The following DYNC1I1 variants were observed in gnomAD, a reference collection of about 807,000 sequenced individuals.
The protein encoded by DYNC1I1 is cytoplasmic dynein 1 intermediate chain 1.
In DYNC1I1, 43 loss-of-function variants were observed where a neutral mutation model predicts 86.6. That is an observed-to-expected ratio of 0.50 (90% CI 0.39 to 0.64). The LOEUF is 0.64. Among genes scored for constraint, DYNC1I1 ranks in the 30% least tolerant of loss-of-function variants. DYNC1I1 has a pLI of 0.00. For synonymous variants in DYNC1I1, 262 were observed against 283.7 expected (o/e 0.92, Z 0.77); for missense variants, 604 against 788.8 (o/e 0.77, Z 2.81).
intron 5 of DYNC1I1, among the ~76,000 whole-genome samples, chr7:95,869,668 CTG>C (rs946135235): frequency 1.3e-5 from 2 of 152,198 alleles, no homozygotes; most frequent in African/African-American, 4.8e-5. Flanking sequence ...AGGGTCTTAT[CTG>C]ACATCACCCA....
intron 6 of DYNC1I1, among the ~76,000 whole-genome samples, chr7:95,966,566 T>A (rs1486876799): frequency 6.6e-6 from 1 of 152,172 alleles, no homozygotes; most frequent in East Asian, 1.9e-4. Flanking sequence ...GTTTGGGAGT[T>A]GGAAAAACAT....
chr7:96,084,170 A>AGG (rs991859339), intron 16 of DYNC1I1, among the ~76,000 whole-genome samples: 99 of 152,128 alleles, frequency 6.5e-4, no homozygotes, highest in African/African-American at 2.3e-3. Flanking sequence ...CACCGTGCTT[A>AGG]GGGGAGCCCT....
At chr7:95,783,376 T>C (rs943611860) in intron 1 of DYNC1I1, among the ~76,000 whole-genome samples, 2 of 152,208 alleles carry the variant, frequency 1.3e-5, no homozygotes, top group Admixed American at 6.5e-5. Context: ...TTAGAACTTA[T>C]GGAATGCCAG....
intron 5 of DYNC1I1, among the ~76,000 whole-genome samples, chr7:95,846,623 C>CTGTGTGTGTGTGTGTGTGTGTGTGTG (rs1314616292): frequency 8.3e-6 from 1 of 121,124 alleles, no homozygotes; most frequent in Non-Finnish European, 1.7e-5. Flanking sequence ...ATAAATCTCT[C>CTGTGTGTGTGTGTGTGTGTGTGTGTG]TCTCTGTGTG....
At chr7:95,837,576 A>G (rs543212793) in intron 5 of DYNC1I1, 281 of 154,936 alleles carry the variant, frequency 1.8e-3, no homozygotes, top group African/African-American at 5.9e-3. Flanking sequence ...CCTCGCTGCC[A>G]CCTTGCAGTT....
intron 6 of DYNC1I1, among the ~76,000 whole-genome samples, chr7:95,899,534 T>C (rs79996593): frequency 0.077 from 11,764 of 152,244 alleles, 726 homozygotes; most frequent in Admixed American, 0.22. Context: ...TTCCACCAAG[T>C]CAGAATCATC....
chr7:95,915,628 T>C (rs1791449267), intron 6 of DYNC1I1, among the ~76,000 whole-genome samples: 1 of 152,210 alleles, frequency 6.6e-6, no homozygotes, highest in Admixed American at 6.5e-5. Flanking sequence ...AATGTGTTTT[T>C]TTCAGTGCTA....
intron 14 of DYNC1I1, among the ~76,000 whole-genome samples, chr7:96,066,410 T>A (rs1789989666): frequency 6.6e-6 from 1 of 152,238 alleles, no homozygotes; most frequent in Non-Finnish European, 1.5e-5. Context: ...AGCACCTGGC[T>A]ACATACTTGT....
At chr7:96,108,850 G>A (rs1169544556) in intron 16 of DYNC1I1, among the ~76,000 whole-genome samples, 1 of 137,526 alleles carries the variant, frequency 7.3e-6, no homozygotes, top group East Asian at 2.1e-4. Context: ...GACAGAGTAA[G>A]ACTCTGTCTC....
At chr7:96,025,908 T>A (rs1794670352) in intron 10 of DYNC1I1, among the ~76,000 whole-genome samples, 1 of 152,134 alleles carries the variant, frequency 6.6e-6, no homozygotes, top group African/African-American at 2.4e-5. Context: ...TTCTGCATTT[T>A]AAAAAATTGA....
intron 12 of DYNC1I1, among the ~76,000 whole-genome samples, chr7:96,033,529 T>C (rs1794863091): frequency 6.6e-6 from 1 of 152,144 alleles, no homozygotes; most frequent in Non-Finnish European, 1.5e-5. Context: ...GTATTCACTA[T>C]CCTCCAACCA....
intron 10 of DYNC1I1, among the ~76,000 whole-genome samples, chr7:95,999,380 T>C (rs1233844339): frequency 1.3e-5 from 2 of 152,192 alleles, no homozygotes; most frequent in African/African-American, 4.8e-5. Flanking sequence ...TTCTTGGCAA[T>C]CTCTTTTAGA....
At chr7:95,785,068 G>T (rs1794092659) in intron 1 of DYNC1I1, among the ~76,000 whole-genome samples, 1 of 152,066 alleles carries the variant, frequency 6.6e-6, no homozygotes, top group African/African-American at 2.4e-5. Flanking sequence ...AATTCCTCCT[G>T]CCAGACAATG....
intron 1 of DYNC1I1, among the ~76,000 whole-genome samples, chr7:95,794,545 T>C (rs1324158635): frequency 3.3e-5 from 5 of 152,138 alleles, no homozygotes; most frequent in Non-Finnish European, 7.4e-5. Context: ...TTTGAGTCCT[T>C]TAAGATTTAA....
chr7:95,954,915 CAAA>C lies in DYNC1I1; in HGVS notation c.491-22576_491-22574del, dbSNP rs58435060. ...TGGGCAACAGAGCAAGACTCTGTCT[CAAA>C]AAAAAAAAAAAAAAAAAAAAGATAT... On this transcript the variant is annotated intron_variant, in intron 6 of 16. Transcript: ENST00000447467. Among the ~76,000 whole-genome samples the C allele has an allele frequency of 1.7e-3, 142 of 81,844 alleles. 1 individual carries two copies. Among genetic ancestry groups the C allele is most frequent in the African/African-American group, 6.5e-3 (138 of 21,358 alleles). The allele number at this position is 81,844 out of a possible 152,430, so 53.7% of individuals were successfully genotyped here.
chr7:95,932,624 T>G (rs1271658597), intron 6 of DYNC1I1, among the ~76,000 whole-genome samples: 1 of 152,208 alleles, frequency 6.6e-6, no homozygotes, highest in Non-Finnish European at 1.5e-5. Context: ...TATGTCAAGC[T>G]TCTAGGAACT....
chr7:95,966,952 CTT>C (rs1236868299), intron 6 of DYNC1I1, among the ~76,000 whole-genome samples: 1 of 152,122 alleles, frequency 6.6e-6, no homozygotes, highest in African/African-American at 2.4e-5. Flanking sequence ...AAGGAAAACA[CTT>C]TGATGCTGAG....
chr7:95,843,368 T>C (rs1789340235), intron 5 of DYNC1I1, among the ~76,000 whole-genome samples: 1 of 152,134 alleles, frequency 6.6e-6, no homozygotes, highest in Admixed American at 6.5e-5. Context: ...CTCTACAACT[T>C]AGAGAGTCTG....
chr7:96,087,649 C>G (rs1790721109), intron 16 of DYNC1I1, among the ~76,000 whole-genome samples: 1 of 152,138 alleles, frequency 6.6e-6, no homozygotes, highest in Non-Finnish European at 1.5e-5. Context: ...ACCAAACATC[C>G]AGATAAAATG....
Sources: allele counts gnomAD v4.1 joint callset (sites outside exome capture counted in the v4.1 genomes callset), GRCh38; gene constraint gnomAD v4.1.1; transcripts MANE v1.5; gene names NCBI Gene and HGNC (gene_info 2026-07-23, HGNC 2026-07-21).